GUCY1A2: variants seen among roughly 807,000 people sequenced by gnomAD.
The protein encoded by GUCY1A2 is guanylate cyclase 1 soluble subunit alpha 2.
GUCY1A2 carries 27 observed loss-of-function variants against 63.5 expected under a neutral mutation model. The ratio of observed to expected loss-of-function variants is 0.43; its 90% CI spans 0.31 to 0.59. The LOEUF is 0.59. Ranked by LOEUF, GUCY1A2 falls within the 20% of genes least tolerant of loss-of-function variation. The pLI, the probability that GUCY1A2 is intolerant of heterozygous loss-of-function variation, is 0.11. For synonymous variants in GUCY1A2, 364 were observed against 343.5 expected (o/e 1.06, Z -0.66); for missense variants, 768 against 913.3 (o/e 0.84, Z 2.05).
intron 1 of GUCY1A2, among the ~76,000 whole-genome samples, chr11:106,997,156 T>G (rs1861550289): frequency 6.6e-6 from 1 of 152,200 alleles, no homozygotes; most frequent in Non-Finnish European, 1.5e-5. Flanking sequence ...ATAAATTATT[T>G]ATGCCAAGAT....
chr11:106,983,552 C>T (rs1861364850), intron 2 of GUCY1A2, among the ~76,000 whole-genome samples: 1 of 152,070 alleles, frequency 6.6e-6, no homozygotes. Context: ...ACCGTACAAT[C>T]CTAGAGCTCT....
rs1199515455 is a variant in GUCY1A2, at chr11:106,725,356, T to G, written c.1837-16690A>C. On this transcript the variant is annotated intron_variant, in intron 6 of 7. Coordinates refer to ENST00000526355, the MANE Select transcript of GUCY1A2 (RefSeq NM_000855.3). ...CCCGGCTAATTTTTTGTATTTTTAG[T>G]AGAGACGGGGTTTCACCGTTTTAGC... Among the ~76,000 whole-genome samples, 3 of 120,304 alleles carry G rather than the reference T, an allele frequency of 2.5e-5. 1 individual carries two copies. The highest frequency in any genetic ancestry group is 5.4e-5 in the Non-Finnish European group (3 of 55,784). The allele number at this position is 120,304 out of a possible 152,430, so 78.9% of individuals were successfully genotyped here. A position where few individuals can be genotyped will look rare whatever the true frequency, so the allele number is the denominator to read the frequency against.
At chr11:106,876,261 A>C (rs2135467771) in intron 4 of GUCY1A2, among the ~76,000 whole-genome samples, 1 of 152,252 alleles carries the variant, frequency 6.6e-6, no homozygotes, top group Non-Finnish European at 1.5e-5. Context: ...AGCCATTAGC[A>C]AATAGGTGTT....
At chr11:106,704,083 C>T (rs1300435887) in intron 7 of GUCY1A2, among the ~76,000 whole-genome samples, 1 of 152,062 alleles carries the variant, frequency 6.6e-6, no homozygotes, top group Non-Finnish European at 1.5e-5. Context: ...AGCTCTTAGT[C>T]ACAGCTCAAA....
chr11:106,864,626 C>T (rs551737089), intron 4 of GUCY1A2, among the ~76,000 whole-genome samples: 9 of 152,008 alleles, frequency 5.9e-5, no homozygotes, highest in Non-Finnish European at 1.2e-4. Flanking sequence ...TAGCATGAAG[C>T]GGTGTTGTAT....
At chr11:106,907,088 A>T (rs1354629646) in intron 4 of GUCY1A2, among the ~76,000 whole-genome samples, 2 of 152,112 alleles carry the variant, frequency 1.3e-5, no homozygotes, top group Non-Finnish European at 2.9e-5. Flanking sequence ...TTTAAAATAA[A>T]AAGACCACTT....
rs1486417379 is a variant in GUCY1A2, at chr11:106,677,229, T to C, written c.*10320A>G. On this transcript the variant is annotated 3_prime_UTR_variant, in exon 8 of 8. Coordinates refer to ENST00000526355, the MANE Select transcript of GUCY1A2 (RefSeq NM_000855.3). The stretch of plus-strand genomic sequence containing the variant: ...GAAGGAAGATAGGAAGATAATTCAA[T>C]GGAAAAAAGAGGAGCTAAGCATGCT... The C allele has an allele frequency of 9.1e-6, 2 of 220,184 alleles. No homozygotes were observed. Among genetic ancestry groups the C allele is most frequent in the Non-Finnish European group, 1.8e-5 (2 of 109,412 alleles). 13.6% of individuals were successfully genotyped at this position (220,184 alleles called of 1,614,324 possible).
In GUCY1A2 at chr11:106,687,537, C is replaced by A; in HGVS notation, c.*12G>T. On this transcript the variant is annotated 3_prime_UTR_variant, in exon 8 of 8. Coordinates refer to ENST00000526355, the MANE Select transcript of GUCY1A2 (RefSeq NM_000855.3). ...TGTGCTTTTTGGAGGAGTCTTTGAT[C>A]TGTAGCAGGTCTCAGAGGCTTGTCT... is the stretch of plus-strand genomic sequence containing the variant. 6.2e-7 allele frequency: 1 copy of A among 1,602,682 alleles called. No individual in the cohort carries two copies. The highest frequency in any genetic ancestry group is 8.5e-7 in the Non-Finnish European group (1 of 1,169,656).
chr11:106,902,546 A>G (rs1409247070), intron 4 of GUCY1A2, among the ~76,000 whole-genome samples: 2 of 152,186 alleles, frequency 1.3e-5, no homozygotes, highest in Non-Finnish European at 2.9e-5. Flanking sequence ...TGTTGAGTGT[A>G]GCTGTCTTCA....
At chr11:106,928,821 C>G (rs77781882) in intron 4 of GUCY1A2, among the ~76,000 whole-genome samples, 4,910 of 152,224 alleles carry the variant, frequency 0.032, 256 homozygotes, top group African/African-American at 0.11. Context: ...TAAAATACGG[C>G]TTTACAATCC....
intron 1 of GUCY1A2, among the ~76,000 whole-genome samples, chr11:106,999,638 C>T (rs187697384): frequency 4.0e-4 from 61 of 152,212 alleles, no homozygotes; most frequent in African/African-American, 1.4e-3. Context: ...GGTAATATTT[C>T]GTTGACTCAT....
intron 7 of GUCY1A2, among the ~76,000 whole-genome samples, chr11:106,697,622 T>C (rs1052797880): frequency 6.6e-6 from 1 of 152,060 alleles, no homozygotes; most frequent in African/African-American, 2.4e-5. Context: ...CAAAGGACAA[T>C]GTACACACAA....
chr11:106,725,541 T>G (rs1034950366), intron 6 of GUCY1A2, among the ~76,000 whole-genome samples: 3 of 152,154 alleles, frequency 2.0e-5, no homozygotes, highest in Non-Finnish European at 4.4e-5. Flanking sequence ...TTATACCAAA[T>G]AGTTCAATTT....
At chr11:106,698,138 T>TTTTTTTTTTTTG (rs1555020237) in intron 7 of GUCY1A2, among the ~76,000 whole-genome samples, 1 of 145,758 alleles carries the variant, frequency 6.9e-6, no homozygotes, top group Non-Finnish European at 1.5e-5. Context: ...TTTTTTTTTT[T>TTTTTTTTTTTTG]AGACAGGGTC....
intron 6 of GUCY1A2, among the ~76,000 whole-genome samples, chr11:106,738,663 T>A (rs1342104378): frequency 2.0e-5 from 3 of 152,248 alleles, no homozygotes; most frequent in African/African-American, 7.2e-5. Flanking sequence ...TTTCCCCATT[T>A]CTTGTTTTTG....
chr11:106,906,761 A>G (rs1044684273), intron 4 of GUCY1A2, among the ~76,000 whole-genome samples: 1 of 152,200 alleles, frequency 6.6e-6, no homozygotes, highest in Non-Finnish European at 1.5e-5. Context: ...CAGCCATAAA[A>G]AGGATGAGTT....
intron 4 of GUCY1A2, among the ~76,000 whole-genome samples, chr11:106,836,170 T>TC: frequency 6.6e-6 from 1 of 151,964 alleles, no homozygotes; most frequent in East Asian, 1.9e-4. Flanking sequence ...GGAGCGCTGG[T>TC]CCCCCATGCA....
At chr11:106,930,936 A>C (rs980925818) in intron 4 of GUCY1A2, among the ~76,000 whole-genome samples, 7 of 152,350 alleles carry the variant, frequency 4.6e-5, no homozygotes, top group Admixed American at 3.3e-4. Context: ...CTAAGATATC[A>C]ATAGAAAGGA....
At chr11:106,775,442 A>G (rs1403477842) in intron 6 of GUCY1A2, among the ~76,000 whole-genome samples, 1 of 150,712 alleles carries the variant, frequency 6.6e-6, no homozygotes, top group Non-Finnish European at 1.5e-5. Flanking sequence ...TATCATTGCT[A>G]ATAACAGGGC....
Sources: allele counts gnomAD v4.1 joint callset (sites outside exome capture counted in the v4.1 genomes callset), GRCh38; gene constraint gnomAD v4.1.1; transcripts MANE v1.5; gene names NCBI Gene and HGNC (gene_info 2026-07-23, HGNC 2026-07-21).